The following TMEM87A variants were observed in gnomAD, a reference collection of about 807,000 sequenced individuals.
TMEM87A encodes Golgi-pH regulating cation channel.
In TMEM87A, 50 loss-of-function variants were observed where a neutral mutation model predicts 90.0. The ratio of observed to expected loss-of-function variants is 0.56; its 90% CI spans 0.44 to 0.70. TMEM87A has a LOEUF of 0.70. Among genes scored for constraint, TMEM87A ranks in the 30% least tolerant of loss-of-function variants. TMEM87A has a pLI of 0.00. For synonymous variants in TMEM87A, 226 were observed against 226.7 expected (o/e 1.00, Z 0.03); for missense variants, 577 against 660.5 (o/e 0.87, Z 1.39).
At chr15:42,244,645 T>C (rs2050938243) in intron 6 of TMEM87A, among the ~76,000 whole-genome samples, 1 of 150,688 alleles carries the variant, frequency 6.6e-6, no homozygotes, top group South Asian at 2.1e-4. Flanking sequence ...TCTGCTGACA[T>C]GGTCTCACAT....
intron 8 of TMEM87A, among the ~76,000 whole-genome samples, chr15:42,239,197 C>T (rs148291514): frequency 2.6e-5 from 4 of 152,236 alleles, no homozygotes; most frequent in South Asian, 2.1e-4. Context: ...CCTACCACCA[C>T]GCCCAGCTAA....
chr15:42,235,531 A>G (rs1263914896), intron 10 of TMEM87A, among the ~76,000 whole-genome samples: 4 of 152,168 alleles, frequency 2.6e-5, no homozygotes, highest in Non-Finnish European at 2.9e-5. Context: ...ATCAGATCAA[A>G]ACAATTGGCA....
intron 6 of TMEM87A, among the ~76,000 whole-genome samples, chr15:42,256,136 T>A (rs1043617232): frequency 1.3e-5 from 2 of 152,102 alleles, no homozygotes; most frequent in African/African-American, 4.8e-5. Context: ...GTACTGAATT[T>A]GTGAGTATCC....
chr15:42,217,917 A>G, intron 18 of TMEM87A, 84 bp from the exon 19 acceptor site: 1 of 1,368,008 alleles, frequency 7.3e-7, no homozygotes, highest in Non-Finnish European at 1.0e-6. Flanking sequence ...TAATGCAATT[A>G]AAAGCTTTAT....
At chr15:42,273,003 T>C (rs1452656662) in intron 1 of TMEM87A, 2 of 646,000 alleles carry the variant, frequency 3.1e-6, no homozygotes, top group Middle Eastern at 2.5e-4. Flanking sequence ...AAGTTCTGTT[T>C]TTCTGATGAG....
At position 42,249,181 on chromosome 15, in the gene TMEM87A, CTTT is replaced by C. The variant is rs531064409; in HGVS notation, c.505-5017_505-5015del. ...CTATTTGATTCTTCTCTCTTTTCTT[CTTT>C]ATTAGTCTTGCTAGAGGTCTATTTG... On this transcript the variant is annotated intron_variant, in intron 6 of 19. Coordinates refer to ENST00000389834, the MANE Select transcript of TMEM87A (RefSeq NM_015497.5). 6.8e-4 allele frequency among the ~76,000 whole-genome samples: 103 copies of C among 152,174 alleles called. 2 individuals carry two copies. The South Asian group carries it at 0.02, about 29-fold the overall frequency.
intron 13 of TMEM87A, 84 bp from the exon 14 acceptor site, chr15:42,227,853 A>C: frequency 8.1e-7 from 1 of 1,227,668 alleles, no homozygotes; most frequent in Non-Finnish European, 1.2e-6. Flanking sequence ...GTTAAGTGGA[A>C]TCCCACACAC....
intron 15 of TMEM87A, among the ~76,000 whole-genome samples, chr15:42,220,945 C>A (rs992449200): frequency 6.6e-6 from 1 of 152,100 alleles, no homozygotes; most frequent in African/African-American, 2.4e-5. Context: ...GCGCCCGCCA[C>A]GATGCCTGGC....
chr15:42,253,213 A>T (rs2051117177), intron 6 of TMEM87A, among the ~76,000 whole-genome samples: 1 of 152,222 alleles, frequency 6.6e-6, no homozygotes, highest in African/African-American at 2.4e-5. Context: ...TTGCTTGTAC[A>T]GAGCCAGAAT....
At chr15:42,237,390 C>A in intron 9 of TMEM87A, 42 bp downstream of exon 9, 1 of 1,600,410 alleles carries the variant, frequency 6.2e-7, no homozygotes, top group Non-Finnish European at 8.5e-7. Context: ...TACATCTCAC[C>A]TTCCAACCAC....
intron 6 of TMEM87A, among the ~76,000 whole-genome samples, chr15:42,259,297 A>G (rs761238810): frequency 6.6e-6 from 1 of 152,002 alleles, no homozygotes; most frequent in Non-Finnish European, 1.5e-5. Context: ...TAATTTTTGT[A>G]TTTTTGGTAG....
intron 3 of TMEM87A, among the ~76,000 whole-genome samples, chr15:42,264,414 T>C (rs1348241027): frequency 6.6e-6 from 1 of 152,180 alleles, no homozygotes; most frequent in East Asian, 1.9e-4. Context: ...AGTCTTTGGC[T>C]CACAAGGCAT....
intron 11 of TMEM87A, among the ~76,000 whole-genome samples, 182 bp from the exon 12 acceptor site, chr15:42,231,442 T>C (rs2050685134): frequency 6.6e-6 from 1 of 152,228 alleles, no homozygotes; most frequent in Non-Finnish European, 1.5e-5. Context: ...ACATAGAATA[T>C]ACAGCTATAA....
rs550300333 is a variant in TMEM87A at position 42,259,484 on chromosome 15, C to T, written c.504+1474G>A. On this transcript the variant is annotated intron_variant, in intron 6 of 19. Coordinates refer to ENST00000389834, the MANE Select transcript of TMEM87A (RefSeq NM_015497.5). ...TTCTCAGGGCTTGTCTTTATCTGAC[C>T]TGACTCAGAGATCACCCAGTGTCAA... Among the ~76,000 whole-genome samples, 6 of 152,298 alleles carry T rather than the reference C, an allele frequency of 3.9e-5. No homozygotes were observed. The East Asian group carries it at 1.2e-3, about 29-fold the overall frequency.
chr15:42,273,324 C>T lies in TMEM87A; in HGVS notation c.75G>A (p.Ser25=). The T allele has an allele frequency of 6.2e-7, 1 of 1,614,166 alleles. No individual in the cohort carries two copies. The highest frequency in any genetic ancestry group is 8.5e-7 in the Non-Finnish European group (1 of 1,180,036). ...CGGTTGCCGGTCCCGCACTGAAAAA[C>T]GACAGTGGTGACGGGTGAGCTCCCA... ...LLLGAHPSPL[S]FFSAGPATVA... Residue 25 remains serine, a synonymous_variant, in exon 1 of 20, where the codon TCG becomes TCA. Transcript: ENST00000389834.
At chr15:42,222,414 T>G (rs981846554) in intron 15 of TMEM87A, among the ~76,000 whole-genome samples, 6 of 152,108 alleles carry the variant, frequency 3.9e-5, no homozygotes, top group Non-Finnish European at 7.4e-5. Context: ...CTTATAAATA[T>G]GATTAGGGGT....
chr15:42,273,385 G>C lies in TMEM87A; in HGVS notation c.14C>G (p.Ala5Gly). Residue 5 changes from alanine to glycine, a missense_variant, in exon 1 of 20, where the codon GCG becomes GGG. Ala to Gly is a moderately conservative substitution (Grantham distance 60, BLOSUM62 0). Transcript: ENST00000389834. MAAA[A>G]WLQVLPVILL... ...AATGACAGGCAACACCTGAAGCCAC[G>C]CAGCCGCCGCCATCTTCACAGCCGT... The C allele has an allele frequency of 6.2e-7, 1 of 1,614,022 alleles. No individual in the cohort carries two copies.
chr15:42,234,084 C>T (rs539207749), intron 10 of TMEM87A, among the ~76,000 whole-genome samples: 52 of 152,112 alleles, frequency 3.4e-4, no homozygotes, highest in Middle Eastern at 3.4e-3. Flanking sequence ...GCCTGGCCCA[C>T]AAAAGAAACT....
intron 3 of TMEM87A, among the ~76,000 whole-genome samples, chr15:42,265,206 T>C (rs1351876094): frequency 6.6e-6 from 1 of 152,224 alleles, no homozygotes; most frequent in Non-Finnish European, 1.5e-5. Context: ...ATGATTTATA[T>C]TACTTTGGAT....
Sources: gnomAD v4.1 joint callset for allele counts (sites outside exome capture counted in the v4.1 genomes callset) on GRCh38, gnomAD v4.1.1 for gene constraint, MANE v1.5 for transcripts, NCBI Gene and HGNC (gene_info 2026-07-23, HGNC 2026-07-21) for gene names.